The following LRRC43 variants were observed in gnomAD, a reference collection of about 807,000 sequenced individuals.
The protein encoded by LRRC43 is leucine-rich repeat-containing protein 43.
Under a neutral mutation model 64.3 loss-of-function variants are expected in LRRC43, and 62 were observed. The observed-to-expected ratio is 0.96, with a 90% CI of 0.79 to 1.19. LRRC43 has a LOEUF of 1.19. Among genes scored for constraint, LRRC43 ranks in the 50% most tolerant of loss-of-function variants. The pLI is 0.00. For synonymous variants in LRRC43, 422 were observed against 382.3 expected (o/e 1.10, Z -1.21); for missense variants, 868 against 845.0 (o/e 1.03, Z -0.34).
intron 1 of LRRC43, among the ~76,000 whole-genome samples, chr12:122,175,488 T>C (rs1391607920): frequency 6.6e-6 from 1 of 150,608 alleles, no homozygotes; most frequent in East Asian, 1.9e-4. Flanking sequence ...TCTAAGTTCA[T>C]TAGCTTTCTT....
At chr12:122,197,842 T>A (rs1040950075) in intron 7 of LRRC43, among the ~76,000 whole-genome samples, 2 of 152,056 alleles carry the variant, frequency 1.3e-5, no homozygotes, top group African/African-American at 4.8e-5. Flanking sequence ...ACTTCTCCGG[T>A]AGATTGTTGA....
At chr12:122,183,437 G>A in intron 1 of LRRC43, 143 bp downstream of exon 1, 1 of 984,298 alleles carries the variant, frequency 1.0e-6, no homozygotes, top group African/African-American at 1.7e-5. Context: ...TGGGGCTTGA[G>A]GGTGACGGTG....
intron 1 of LRRC43, among the ~76,000 whole-genome samples, chr12:122,173,210 C>G (rs1477606011): frequency 6.6e-6 from 1 of 152,112 alleles, no homozygotes; most frequent in Non-Finnish European, 1.5e-5. Flanking sequence ...TAAGTACTAA[C>G]TAGAGTCAGA....
intron 11 of LRRC43, chr12:122,202,394 A>T (rs1408703445): frequency 6.6e-6 from 1 of 152,190 alleles, no homozygotes; most frequent in African/African-American, 2.4e-5. Context: ...AATTTCTTTA[A>T]TATTACACCA....
chr12:122,190,340 T>G lies in LRRC43; in HGVS notation c.873T>G (p.His291Gln), dbSNP rs1036643136. 3.1e-6 allele frequency: 5 copies of G among 1,614,060 alleles called. No individual in the cohort carries two copies. Among genetic ancestry groups the G allele is most frequent in the Non-Finnish European group, 3.4e-6 (4 of 1,179,988 alleles). ...TCACCGTGTCTCCCAATGAGAAGCA[T>G]CTCTTCCGGGGGCTCAGCCTCAATG... is the stretch of plus-strand genomic sequence containing the variant. The part of the protein sequence containing the change: ...DDITVSPNEK[H>Q]LFRGLSLNGD... The change falls in exon 5 of 12, where the codon CAT becomes CAG. Residue 291 changes from histidine to glutamine, a missense_variant. His to Gln is a conservative substitution (Grantham distance 24, BLOSUM62 0). Transcript: ENST00000339777.
chr12:122,194,142 A>G (rs1196030993), intron 7 of LRRC43, among the ~76,000 whole-genome samples: 1 of 152,176 alleles, frequency 6.6e-6, no homozygotes, highest in Non-Finnish European at 1.5e-5. Flanking sequence ...ACCCAACAAT[A>G]CATTGTTATA....
At chr12:122,194,377 A>T (rs1242666139) in intron 7 of LRRC43, among the ~76,000 whole-genome samples, 1 of 151,610 alleles carries the variant, frequency 6.6e-6, no homozygotes, top group Admixed American at 6.6e-5. Context: ...GACCCGCCTG[A>T]CCAACATGGT....
rs1240301794 is a variant in LRRC43, at chr12:122,187,076, C to T, written c.523-625C>T. The stretch of plus-strand genomic sequence containing the variant: ...TAGGAATATCCCCTCTACAAAAATA[C>T]AAAAATTAGCCAGGCGTCGTGGCTG... On this transcript the variant is annotated intron_variant, in intron 3 of 11. Transcript: ENST00000339777. 5.3e-5 allele frequency among the ~76,000 whole-genome samples: 8 copies of T among 151,642 alleles called. No individual in the cohort carries two copies. The East Asian group carries it at 1.6e-3, about 29-fold the overall frequency.
intron 11 of LRRC43, 124 bp downstream of exon 11, chr12:122,201,453 A>C: frequency 1.2e-6 from 1 of 814,226 alleles, no homozygotes; most frequent in Non-Finnish European, 2.1e-6. Flanking sequence ...GGGAGAGGCC[A>C]CATCCCCCCT....
chr12:122,173,912 G>A (rs371405302), intron 1 of LRRC43: 30 of 1,613,942 alleles, frequency 1.9e-5, no homozygotes, highest in Middle Eastern at 1.6e-4. Flanking sequence ...TCACTTGGTC[G>A]TAGTAAACGG....
intron 1 of LRRC43, chr12:122,172,784 C>A: frequency 6.9e-7 from 1 of 1,459,516 alleles, no homozygotes; most frequent in South Asian, 1.2e-5. Flanking sequence ...TTTGCAATGA[C>A]AGCTGCAAGT....
upstream of LRRC43, among the ~76,000 whole-genome samples, chr12:122,181,428 A>G (rs538361385): frequency 1.3e-5 from 2 of 151,164 alleles, no homozygotes; most frequent in East Asian, 4.0e-4. Flanking sequence ...CTGTAGTCCC[A>G]GCTACTCAGG....
At chr12:122,182,003 G>A (rs1953585805), upstream of LRRC43, among the ~76,000 whole-genome samples, 1 of 152,182 alleles carries the variant, frequency 6.6e-6, no homozygotes, top group Non-Finnish European at 1.5e-5. Context: ...GTCAGAACCT[G>A]ATGCCCAGTG....
At chr12:122,179,701 G>A (rs186596449), upstream of LRRC43, among the ~76,000 whole-genome samples, 96 of 152,086 alleles carry the variant, frequency 6.3e-4, no homozygotes, top group Non-Finnish European at 9.7e-4. Context: ...GGCTGGGTGC[G>A]GTGGCTCACA....
At chr12:122,198,278 C>T (rs1364138208) in intron 7 of LRRC43, among the ~76,000 whole-genome samples, 8 of 152,096 alleles carry the variant, frequency 5.3e-5, no homozygotes, top group Middle Eastern at 3.4e-3. Flanking sequence ...TGAGCCACTG[C>T]GCCCGGCCGA....
At chr12:122,194,957 T>C (rs1297777108) in intron 7 of LRRC43, among the ~76,000 whole-genome samples, 2 of 152,254 alleles carry the variant, frequency 1.3e-5, no homozygotes, top group Non-Finnish European at 2.9e-5. Flanking sequence ...TACTGTCTTT[T>C]GTATTTGCCT....
Position 122,203,428 on chromosome 12 carries a change from A to G in LRRC43, c.1957A>G (p.Met653Val). The G allele has an allele frequency of 1.2e-6, 2 of 1,610,954 alleles. No homozygotes were observed. The highest frequency in any genetic ancestry group is 1.7e-6 in the Non-Finnish European group (2 of 1,179,422). ...CCGCTCGGCGGAGGAGGCTCTGCGCATGTTCGCCGTGTAGGGCGTGGGCAG... is the reference window on the plus strand; with the variant it reads ...CCGCTCGGCGGAGGAGGCTCTGCGCGTGTTCGCCGTGTAGGGCGTGGGCAG... Reference protein sequence around the residue: ...QCRSAEEALRMFAV With the variant: ...QCRSAEEALRVFAV The change falls in exon 12 of 12, where the codon ATG becomes GTG. Residue 653 changes from methionine to valine, a missense_variant. Transcript: ENST00000339777.
At chr12:122,190,404 T>G (rs770539350) in intron 5 of LRRC43, 36 bp downstream of exon 5, 29 of 1,547,212 alleles carry the variant, frequency 1.9e-5, no homozygotes, top group Non-Finnish European at 2.6e-5. Flanking sequence ...GGGTGGCATG[T>G]GACACCCCAG....
At chr12:122,170,398 A>G (rs1953474601) in intron 1 of LRRC43, among the ~76,000 whole-genome samples, 1 of 151,992 alleles carries the variant, frequency 6.6e-6, no homozygotes, top group Admixed American at 6.6e-5. Context: ...TTGGGAGGCC[A>G]AGGCAGGCGG....
Sources: gnomAD v4.1 joint callset for allele counts (sites outside exome capture counted in the v4.1 genomes callset) on GRCh38, gnomAD v4.1.1 for gene constraint, MANE v1.5 for transcripts, NCBI Gene and HGNC (gene_info 2026-07-23, HGNC 2026-07-21) for gene names.